The following GRM8 variants were observed in gnomAD, a reference collection of about 807,000 sequenced individuals.
The protein encoded by GRM8 is metabotropic glutamate receptor 8.
Under a neutral mutation model 87.2 loss-of-function variants are expected in GRM8, and 47 were observed. The observed-to-expected ratio is 0.54, with a 90% CI of 0.43 to 0.69. The LOEUF (loss-of-function observed/expected upper bound fraction) is 0.69, where lower values mean the gene tolerates loss of function less well. Among genes scored for constraint, GRM8 ranks in the 30% least tolerant of loss-of-function variants. The pLI is 0.00. For synonymous variants in GRM8, 396 were observed against 404.5 expected (o/e 0.98, Z 0.25); for missense variants, 1,019 against 1,139.2 (o/e 0.89, Z 1.52).
intron 6 of GRM8, among the ~76,000 whole-genome samples, chr7:126,773,025 A>AAAATAGAAAG (rs1189363064): frequency 1.3e-5 from 2 of 152,120 alleles, no homozygotes; most frequent in Non-Finnish European, 2.9e-5. Context: ...GTGGAAACAG[A>AAAATAGAAAG]AAATAGAAAG....
At chr7:127,207,813 C>G (rs1478885105) in intron 2 of GRM8, among the ~76,000 whole-genome samples, 1 of 152,172 alleles carries the variant, frequency 6.6e-6, no homozygotes, top group Non-Finnish European at 1.5e-5. Flanking sequence ...ACAAAATGGA[C>G]TCTGTGGCAA....
At chr7:126,715,095 C>T (rs1004774630) in intron 7 of GRM8, among the ~76,000 whole-genome samples, 7 of 152,182 alleles carry the variant, frequency 4.6e-5, no homozygotes, top group South Asian at 2.1e-4. Context: ...GGGAGCACTT[C>T]AAGCATTACT....
chr7:126,846,397 A>C (rs1354664206), intron 6 of GRM8, among the ~76,000 whole-genome samples: 3 of 152,274 alleles, frequency 2.0e-5, no homozygotes, highest in Non-Finnish European at 4.4e-5. Context: ...ATAATCACAC[A>C]GTGTGAACTT....
chr7:126,494,764 C>CA (rs1808487392), intron 9 of GRM8, among the ~76,000 whole-genome samples: 1 of 152,012 alleles, frequency 6.6e-6, no homozygotes, highest in Non-Finnish European at 1.5e-5. Context: ...TGCAGAATTT[C>CA]AAATTGCACT....
chr7:126,536,612 A>G (rs1333840709), intron 8 of GRM8, among the ~76,000 whole-genome samples: 1 of 152,188 alleles, frequency 6.6e-6, no homozygotes, highest in Middle Eastern at 3.2e-3. Flanking sequence ...AGAAAGAAAT[A>G]AAGGTAAATG....
At chr7:126,828,730 T>TGAAGC (rs1375363097) in intron 6 of GRM8, among the ~76,000 whole-genome samples, 16 of 152,236 alleles carry the variant, frequency 1.1e-4, no homozygotes, top group African/African-American at 3.9e-4. Flanking sequence ...CAGTTATTTC[T>TGAAGC]TGCCTTCTGC....
chr7:126,878,031 G>A lies in GRM8; in HGVS notation c.1156+24511C>T, dbSNP rs551178379. ...TTAAGGTCTCAGGACAGGAGGTCACGGAGTGATGAGCCCTGAATTACTCTA... is the reference window on the plus strand; with the variant it reads ...TTAAGGTCTCAGGACAGGAGGTCACAGAGTGATGAGCCCTGAATTACTCTA... On this transcript the variant is annotated intron_variant, in intron 6 of 10. Coordinates refer to ENST00000339582, the MANE Select transcript of GRM8 (RefSeq NM_000845.3). Among the ~76,000 whole-genome samples the A allele has an allele frequency of 6.6e-5, 10 of 152,196 alleles. No homozygotes were observed. The South Asian group carries it at 8.3e-4, about 13-fold the overall frequency.
chr7:127,038,458 C>A (rs1039130712), intron 3 of GRM8, among the ~76,000 whole-genome samples: 1 of 150,452 alleles, frequency 6.6e-6, no homozygotes, highest in Non-Finnish European at 1.5e-5. Context: ...CCAGTCCAGG[C>A]AGAAAAATTG....
intron 3 of GRM8, among the ~76,000 whole-genome samples, chr7:127,036,072 A>G (rs1817814636): frequency 6.6e-6 from 1 of 152,202 alleles, no homozygotes; most frequent in African/African-American, 2.4e-5. Context: ...GATTTGGACC[A>G]GTATATTTGT....
chr7:127,008,062 T>C (rs1814495004), intron 3 of GRM8, among the ~76,000 whole-genome samples: 1 of 151,906 alleles, frequency 6.6e-6, no homozygotes, highest in Admixed American at 6.6e-5. Flanking sequence ...GTAAAAACAA[T>C]GAAACAAAGA....
intron 6 of GRM8, among the ~76,000 whole-genome samples, chr7:126,771,230 G>A (rs1444605580): frequency 1.3e-5 from 2 of 152,012 alleles, no homozygotes; most frequent in African/African-American, 4.8e-5. Flanking sequence ...GTTTATATTT[G>A]TATATTTACA....
At chr7:127,103,013 C>T (rs1225668405) in intron 3 of GRM8, among the ~76,000 whole-genome samples, 1 of 152,214 alleles carries the variant, frequency 6.6e-6, no homozygotes, top group East Asian at 1.9e-4. Flanking sequence ...CAGGCACATG[C>T]CACCATGCCC....
intron 8 of GRM8, among the ~76,000 whole-genome samples, chr7:126,569,386 C>T (rs1376940936): frequency 6.6e-6 from 1 of 152,136 alleles, no homozygotes; most frequent in Non-Finnish European, 1.5e-5. Context: ...TCCATGTATC[C>T]ACATGTTTGT....
At chr7:126,642,472 A>C (rs1802508243) in intron 7 of GRM8, among the ~76,000 whole-genome samples, 2 of 152,112 alleles carry the variant, frequency 1.3e-5, no homozygotes, top group South Asian at 4.2e-4. Context: ...CCCCATCTCT[A>C]CTAAAAATAC....
intron 3 of GRM8, among the ~76,000 whole-genome samples, chr7:127,083,249 G>GT (rs1823068270): frequency 6.6e-6 from 1 of 151,806 alleles, no homozygotes; most frequent in Non-Finnish European, 1.5e-5. Flanking sequence ...ATTCACCTAG[G>GT]TGCCAAAGCC....
At chr7:126,468,295 G>A (rs2150545679) in intron 9 of GRM8, among the ~76,000 whole-genome samples, 1 of 152,028 alleles carries the variant, frequency 6.6e-6, no homozygotes, top group South Asian at 2.1e-4. Context: ...CTAAATCTCT[G>A]TCTCTCTCCC....
At chr7:126,766,007 C>G (rs1366754948) in intron 7 of GRM8, among the ~76,000 whole-genome samples, 1 of 152,086 alleles carries the variant, frequency 6.6e-6, no homozygotes, top group East Asian at 1.9e-4. Context: ...AGCAGTTTGA[C>G]TGAATATTCC....
chr7:126,822,582 G>A (rs1183330579), intron 6 of GRM8, among the ~76,000 whole-genome samples: 1 of 150,558 alleles, frequency 6.6e-6, no homozygotes, highest in Admixed American at 6.6e-5. Context: ...CTTTAGAGAT[G>A]GGATCTCACT....
intron 2 of GRM8, among the ~76,000 whole-genome samples, chr7:127,193,294 T>C (rs538322501): frequency 2.6e-5 from 4 of 152,200 alleles, no homozygotes; most frequent in Non-Finnish European, 5.9e-5. Flanking sequence ...AATGAGAATG[T>C]AAAAGCCATA....
Sources: allele counts gnomAD v4.1 joint callset (sites outside exome capture counted in the v4.1 genomes callset), GRCh38; gene constraint gnomAD v4.1.1; transcripts MANE v1.5; gene names NCBI Gene and HGNC (gene_info 2026-07-23, HGNC 2026-07-21).